ADGRB1: variants seen among roughly 807,000 people sequenced by gnomAD.
ADGRB1 encodes the protein adhesion G protein-coupled receptor B1.
Under a neutral mutation model 175.7 loss-of-function variants are expected in ADGRB1, and 36 were observed. The ratio of observed to expected loss-of-function variants is 0.20; its 90% CI spans 0.16 to 0.27. The LOEUF is 0.27. Ranked by LOEUF, ADGRB1 falls within the 10% of genes least tolerant of loss-of-function variation. The pLI is 1.00. For missense variants in ADGRB1, 1,731 were observed against 2,255.3 expected, an observed-to-expected ratio of 0.77 and a Z score of 4.71; for synonymous variants, 1,054 against 979.4, an observed-to-expected ratio of 1.08 and a Z score of -1.42.
intron 13 of ADGRB1, among the ~76,000 whole-genome samples, chr8:142,486,079 C>T (rs185289585): frequency 6.6e-6 from 1 of 152,262 alleles, no homozygotes; most frequent in African/African-American, 2.4e-5. Flanking sequence ...AACACGTGAA[C>T]GTTTACAGGA....
chr8:142,454,369 C>T (rs1587234244), intron 1 of ADGRB1, among the ~76,000 whole-genome samples: 1 of 152,208 alleles, frequency 6.6e-6, no homozygotes, highest in East Asian at 1.9e-4. Context: ...CAGGGTGCCA[C>T]GGCCCGAAAA....
chr8:142,539,363 C>A lies in ADGRB1; in HGVS notation c.3667-11C>A. 1 of 1,582,102 alleles carries A rather than the reference C, an allele frequency of 6.3e-7. No individual in the cohort carries two copies. Among genetic ancestry groups the A allele is most frequent in the East Asian group, 2.3e-5 (1 of 42,850 alleles). On this transcript the variant is annotated splice_polypyrimidine_tract_variant and intron_variant, in intron 26 of 30. Transcript: ENST00000517894. ...AGGCGCTCACCCTGCCCTGTTGTCT[C>A]TGTCCTACAGACCGACTTCGAGAAG...
At position 142,468,227 on chromosome 8, in the gene ADGRB1, C is replaced by CGTGT. The variant is rs370172569; in HGVS notation, c.784+3247_784+3250dup. Reference sequence around the variant, plus strand: ...GTGGGTGCGTGTGTGTGTGTGTGTGCGTGTGCAGTACATTACTCATGTGCG... The same window carrying CGTGT: ...GTGGGTGCGTGTGTGTGTGTGTGTGCGTGTGTGTGCAGTACATTACTCATGTGCG... On this transcript the variant is annotated intron_variant, in intron 2 of 30. Coordinates refer to ENST00000517894, the MANE Select transcript of ADGRB1 (RefSeq NM_001702.3). Among the ~76,000 whole-genome samples, 790 of 150,268 alleles carry CGTGT rather than the reference C, an allele frequency of 5.3e-3. 9 individuals are homozygous for CGTGT. Among genetic ancestry groups the CGTGT allele is most frequent in the African/African-American group, 0.018 (747 of 40,832 alleles).
intron 18 of ADGRB1, among the ~76,000 whole-genome samples, chr8:142,512,471 C>T (rs1404572675): frequency 6.6e-6 from 1 of 152,236 alleles, no homozygotes; most frequent in Non-Finnish European, 1.5e-5. Flanking sequence ...GCTGCTCTTC[C>T]TGTGGGTGTT....
In ADGRB1 at chr8:142,464,078, C is replaced by CT; in HGVS notation, c.-119dup. 8 of 628,254 alleles carry CT rather than the reference C, an allele frequency of 1.3e-5. No homozygotes were observed. The highest frequency in any genetic ancestry group is 3.9e-5 in the African/African-American group (2 of 51,018). The allele number at this position is 628,254 out of a possible 1,614,324, so 38.9% of individuals were successfully genotyped here. On this transcript the variant is annotated 5_prime_UTR_variant, in exon 2 of 31. Transcript: ENST00000517894. ...AAGCGGGGCCCTCTCCCATCCCACC[C>CT]TTGCCCCGCCTCCCTGCCCCCACCG...
At position 142,489,119 on chromosome 8, in the gene ADGRB1, C is replaced by T. The variant is rs1206198470; in HGVS notation, c.2528+9C>T. 5.6e-6 allele frequency: 9 copies of T among 1,600,252 alleles called. No individual in the cohort carries two copies. The highest frequency in any genetic ancestry group is 6.8e-6 in the Non-Finnish European group (8 of 1,175,770). ...TTCCTGGCCCTGCAGAGGTGGGGAG[C>T]CCTGGGCAGGTGGGGTGGGCAGTGC... On this transcript the variant is annotated intron_variant, in intron 15 of 30. Transcript: ENST00000517894.
chr8:142,456,428 C>T lies in ADGRB1; in HGVS notation c.-220+6324C>T, dbSNP rs573160069. On this transcript the variant is annotated intron_variant, in intron 1 of 30. Transcript: ENST00000517894. ...GGAGCATGCACACACCCTGCACGTG[C>T]ACACACTTCCTCACCCCCCCGAAGC... Among the ~76,000 whole-genome samples, 188 of 152,296 alleles carry T rather than the reference C, an allele frequency of 1.2e-3. 1 individual carries two copies. The highest frequency in any genetic ancestry group is 3.4e-3 in the Middle Eastern group (1 of 294).
At chr8:142,461,879 C>T (rs1019835079) in intron 1 of ADGRB1, among the ~76,000 whole-genome samples, 1 of 152,180 alleles carries the variant, frequency 6.6e-6, no homozygotes, top group African/African-American at 2.4e-5. Flanking sequence ...CCAGGTGGGA[C>T]TGGCACTCTG....
In ADGRB1 at chr8:142,476,573, C is replaced by G; in HGVS notation, c.947-12C>G. ...AGAACCGCTCCTGTGCTGACCTAAG[C>G]CCGTCCTGCAGCCGCTGGGCGCACC... is the stretch of plus-strand genomic sequence containing the variant. On this transcript the variant is annotated splice_polypyrimidine_tract_variant and intron_variant, in intron 3 of 30. Transcript: ENST00000517894. 6.5e-7 allele frequency: 1 copy of G among 1,547,872 alleles called. No homozygotes were observed. The highest frequency in any genetic ancestry group is 8.7e-7 in the Non-Finnish European group (1 of 1,145,954).
At chr8:142,538,975 A>G (rs1587445047) in intron 26 of ADGRB1, among the ~76,000 whole-genome samples, 2 of 152,166 alleles carry the variant, frequency 1.3e-5, no homozygotes, top group South Asian at 2.1e-4. Context: ...GTGCCTCACA[A>G]ACAGTCTCAC....
rs1841996712 is a variant in ADGRB1, at chr8:142,491,847, C to T, written c.2675+1032C>T. 3.3e-5 allele frequency among the ~76,000 whole-genome samples: 5 copies of T among 152,182 alleles called. No individual in the cohort carries two copies. The South Asian group carries it at 1.0e-3, about 32-fold the overall frequency. ...TGGGTAGTTCAGTGACAAGGGAAGG[C>T]TCTGTGAGTGGCAGGCGTTGGAGGA... is the stretch of plus-strand genomic sequence containing the variant. On this transcript the variant is annotated intron_variant, in intron 17 of 30. Coordinates refer to ENST00000517894, the MANE Select transcript of ADGRB1 (RefSeq NM_001702.3).
At position 142,479,459 on chromosome 8, in the gene ADGRB1, C is replaced by T. The variant is rs1841204166; in HGVS notation, c.1698C>T (p.Tyr566=). Residue 566 remains tyrosine (Y), a synonymous_variant, in exon 8 of 31, where the codon TAC becomes TAT. Coordinates refer to ENST00000517894, the MANE Select transcript of ADGRB1 (RefSeq NM_001702.3). Reference sequence around the variant, plus strand: ...CCTGCCAGGGCCCCCAGGATGAGTACCGGCAGTGCGGCACCCAGCGGTGTC... The same window carrying T: ...CCTGCCAGGGCCCCCAGGATGAGTATCGGCAGTGCGGCACCCAGCGGTGTC... ...GAACQGPQDE[Y]RQCGTQRCPE... The T allele has an allele frequency of 1.3e-6, 2 of 1,556,014 alleles. No individual in the cohort carries two copies. Among genetic ancestry groups the T allele is most frequent in the Non-Finnish European group, 1.7e-6 (2 of 1,157,044 alleles).
At chr8:142,519,730 T>C in intron 19 of ADGRB1, among the ~76,000 whole-genome samples, 1 of 149,876 alleles carries the variant, frequency 6.7e-6, no homozygotes, top group Non-Finnish European at 1.5e-5. Context: ...CTGGTGATTG[T>C]GGTGATGGTG....
intron 16 of ADGRB1, 119 bp from the exon 17 acceptor site, chr8:142,490,653 C>A (rs1841937916): frequency 8.2e-7 from 1 of 1,220,892 alleles, no homozygotes; most frequent in Non-Finnish European, 1.2e-6. Context: ...GCAGTCTGTT[C>A]AGGGACCCGC....
intron 17 of ADGRB1, among the ~76,000 whole-genome samples, chr8:142,503,823 C>G (rs1250779262): frequency 6.6e-6 from 1 of 152,162 alleles, no homozygotes; most frequent in Non-Finnish European, 1.5e-5. Context: ...GTTTCCAGCC[C>G]AGGGGTATCC....
rs1401822545 is a variant in ADGRB1 at position 142,511,133 on chromosome 8, C to T, written c.2817+60C>T. The stretch of plus-strand genomic sequence containing the variant: ...GGGCAGGGGCGCGGGCGGGGGCTGC[C>T]GGCGGGCCTGCGGGTGGGGAGGGCC... On this transcript the variant is annotated intron_variant, in intron 18 of 30. Transcript: ENST00000517894. This position sits in a 1 kb window ranked among gnomAD's most constrained non-coding sequence, Gnocchi z 4.5. The T allele has an allele frequency of 1.3e-5, 14 of 1,040,782 alleles. No homozygotes were observed. Among genetic ancestry groups the T allele is most frequent in the African/African-American group, 1.7e-5 (1 of 58,014 alleles). 64.5% of individuals were successfully genotyped at this position (1,040,782 alleles called of 1,614,324 possible).
chr8:142,517,509 G>A (rs953385956), intron 18 of ADGRB1, among the ~76,000 whole-genome samples: 9 of 152,106 alleles, frequency 5.9e-5, no homozygotes, highest in Admixed American at 2.6e-4. Context: ...CAGGGCTGGC[G>A]GCTAGGCCTA....
chr8:142,480,265 G>A (rs938374357), intron 9 of ADGRB1, among the ~76,000 whole-genome samples: 2 of 152,200 alleles, frequency 1.3e-5, no homozygotes, highest in Non-Finnish European at 2.9e-5. Flanking sequence ...GTCCCTGACA[G>A]GCAGCAGGCA....
intron 24 of ADGRB1, among the ~76,000 whole-genome samples, chr8:142,531,621 G>A (rs997381774): frequency 2.0e-5 from 3 of 152,186 alleles, no homozygotes; most frequent in Admixed American, 1.3e-4. Context: ...CAGGGCCACG[G>A]TACCCTGAGA....
Sources: gnomAD v4.1 joint callset for allele counts (sites outside exome capture counted in the v4.1 genomes callset) on GRCh38, gnomAD v4.1.1 for gene constraint, Gnocchi (gnomAD v3.1) non-coding constraint, MANE v1.5 for transcripts, NCBI Gene and HGNC (gene_info 2026-07-23, HGNC 2026-07-21) for gene names.